PINX1: variants seen among roughly 807,000 people sequenced by gnomAD.
PINX1 encodes PIN2/TERF1-interacting telomerase inhibitor 1.
A neutral mutation model predicts 25.4 loss-of-function variants in PINX1; 34 were observed. The ratio of observed to expected loss-of-function variants is 1.34; its 90% CI spans 1.02 to 1.78. PINX1 has a LOEUF of 1.78. Ranked by LOEUF, PINX1 falls within the 40% of genes most tolerant of loss-of-function variation. PINX1 has a pLI of 0.00. For synonymous variants in PINX1, 197 were observed against 147.7 expected (o/e 1.33, Z -2.42); for missense variants, 592 against 404.9 (o/e 1.46, Z -3.97).
intron 6 of PINX1, among the ~76,000 whole-genome samples, chr8:10,802,304 G>A (rs915024187): frequency 6.6e-6 from 1 of 152,170 alleles, no homozygotes; most frequent in African/African-American, 2.4e-5. Flanking sequence ...AAACTTCTGT[G>A]ACTTACACAC....
At chr8:10,834,512 A>C in intron 2 of PINX1, 154 bp downstream of exon 2, 1 of 1,111,830 alleles carries the variant, frequency 9.0e-7, no homozygotes, top group Non-Finnish European at 1.2e-6. Flanking sequence ...ATCCTAATTT[A>C]TCATCATAAG....
intron 5 of PINX1, chr8:10,822,004 G>C (rs889739931): frequency 2.0e-5 from 3 of 152,218 alleles, no homozygotes; most frequent in African/African-American, 4.8e-5. Flanking sequence ...ATCAATGAAG[G>C]TGCAAATGTG....
chr8:10,795,001 C>T (rs559714003), intron 6 of PINX1, among the ~76,000 whole-genome samples: 2 of 152,140 alleles, frequency 1.3e-5, no homozygotes, highest in African/African-American at 2.4e-5. Context: ...GAAATGAACA[C>T]CTCACGTTTC....
chr8:10,779,138 A>C (rs916151231), intron 6 of PINX1, among the ~76,000 whole-genome samples: 2 of 152,336 alleles, frequency 1.3e-5, no homozygotes, highest in Non-Finnish European at 2.9e-5. Flanking sequence ...TTTACTTTTA[A>C]GACTGCCTAC....
intron 3 of PINX1, among the ~76,000 whole-genome samples, 157 bp downstream of exon 3, chr8:10,832,735 A>C (rs568418054): frequency 6.6e-6 from 1 of 152,364 alleles, no homozygotes; most frequent in African/African-American, 2.4e-5. Context: ...TCTGAGTTAT[A>C]GTGCCATGCA....
intron 6 of PINX1, among the ~76,000 whole-genome samples, chr8:10,800,905 A>G (rs1802245788): frequency 6.6e-6 from 1 of 152,254 alleles, no homozygotes; most frequent in African/African-American, 2.4e-5. Flanking sequence ...ATACTGAAGC[A>G]TGCAGATGAC....
At chr8:10,824,190 GA>G (rs1452497635) in intron 5 of PINX1, among the ~76,000 whole-genome samples, 4 of 152,162 alleles carry the variant, frequency 2.6e-5, no homozygotes, top group Non-Finnish European at 5.9e-5. Context: ...TACAAAAGAG[GA>G]AACTGAGTCT....
At chr8:10,775,418 T>TTTTGG (rs1801360266) in intron 6 of PINX1, among the ~76,000 whole-genome samples, 1 of 146,846 alleles carries the variant, frequency 6.8e-6, no homozygotes, top group South Asian at 2.2e-4. Context: ...TGGTTTTTTT[T>TTTTGG]TTTTTTTTTT....
chr8:10,781,824 C>T (rs1461388800), intron 6 of PINX1, among the ~76,000 whole-genome samples: 2 of 152,138 alleles, frequency 1.3e-5, no homozygotes, highest in East Asian at 1.9e-4. Flanking sequence ...GCCCAGCAAC[C>T]CCTCTTCTGG....
intron 6 of PINX1, among the ~76,000 whole-genome samples, chr8:10,788,752 C>T (rs1437536639): frequency 6.6e-6 from 1 of 152,162 alleles, no homozygotes; most frequent in East Asian, 1.9e-4. Context: ...TGCAGAAAAA[C>T]AAGGCTGAGA....
In PINX1 at chr8:10,835,590, A is replaced by T. The variant is rs182074110; in HGVS notation, c.20-815T>A. Among the ~76,000 whole-genome samples the T allele has an allele frequency of 1.4e-4, 22 of 152,116 alleles. No individual in the cohort carries two copies. The East Asian group carries it at 2.7e-3, about 19-fold the overall frequency. On this transcript the variant is annotated intron_variant, in intron 1 of 6. Transcript: ENST00000314787. ...ATAACTTATCTGTTTCTTAACATCC[A>T]CTGTATTAGGGCTATTTATATCCGC...
At chr8:10,777,800 G>A (rs1286422895) in intron 6 of PINX1, among the ~76,000 whole-genome samples, 1 of 152,200 alleles carries the variant, frequency 6.6e-6, no homozygotes, top group Non-Finnish European at 1.5e-5. Context: ...GCCCGTCACT[G>A]CCTTGTGCGA....
chr8:10,777,405 G>A (rs1419086061), intron 6 of PINX1, among the ~76,000 whole-genome samples: 2 of 152,216 alleles, frequency 1.3e-5, no homozygotes. Context: ...TCCTAGGACA[G>A]GAAAAGGATG....
intron 6 of PINX1, among the ~76,000 whole-genome samples, chr8:10,792,881 A>G (rs1259119106): frequency 6.6e-6 from 1 of 152,188 alleles, no homozygotes; most frequent in Non-Finnish European, 1.5e-5. Flanking sequence ...ACAATACACC[A>G]TCTCATTATC....
At position 10,834,765 on chromosome 8, in the gene PINX1, C is replaced by T. The variant is rs747860305; in HGVS notation, c.30G>A (p.Lys10=). Residue 10 remains lysine, a synonymous_variant, in exon 2 of 7, where the codon AAG becomes AAA. Transcript: ENST00000314787. The part of the protein sequence containing the change: MSMLAERRR[K]QKWAVDPQNT... Reference sequence around the variant, plus strand: ...TCTGAGGATCCACAGCCCACTTCTGCTTCCGCCGACCTGTAAATGAAAAAG... The same window carrying T: ...TCTGAGGATCCACAGCCCACTTCTGTTTCCGCCGACCTGTAAATGAAAAAG... 3.1e-6 allele frequency: 5 copies of T among 1,612,404 alleles called. No individual in the cohort carries two copies. The highest frequency in any genetic ancestry group is 3.3e-5 in the Admixed American group (2 of 59,882).
At chr8:10,816,183 G>A (rs748813288) in intron 6 of PINX1, among the ~76,000 whole-genome samples, 3 of 152,198 alleles carry the variant, frequency 2.0e-5, no homozygotes, top group Admixed American at 6.5e-5. Context: ...ATGTGATAAA[G>A]GGGCACAGAG....
At chr8:10,787,871 A>C (rs78365320) in intron 6 of PINX1, 1 of 454,654 alleles carries the variant, frequency 2.2e-6, no homozygotes, top group African/African-American at 2.0e-5. Flanking sequence ...TTGGTTAAGA[A>C]AGTCTGAAAG....
In PINX1 at chr8:10,828,371, G is replaced by T. The variant is rs117892563; in HGVS notation, c.302-2127C>A. 2.1e-3 allele frequency among the ~76,000 whole-genome samples: 313 copies of T among 152,286 alleles called. 6 individuals are homozygous for T. The East Asian group carries it at 0.057, about 28-fold the overall frequency. On this transcript the variant is annotated intron_variant, in intron 4 of 6. Coordinates refer to ENST00000314787, the MANE Select transcript of PINX1 (RefSeq NM_017884.6). ...TACCGACTGCAAGTGTATGAGGGAC[G>T]AGGCGCTGGACTGGAGGCTTTCCAT...
chr8:10,827,634 C>T (rs750621220), intron 4 of PINX1, among the ~76,000 whole-genome samples: 2 of 151,674 alleles, frequency 1.3e-5, no homozygotes, highest in Admixed American at 6.6e-5. Flanking sequence ...CAGCCGGGCG[C>T]GGTGGCTCAT....
Sources: gnomAD v4.1 joint callset for allele counts (sites outside exome capture counted in the v4.1 genomes callset) on GRCh38, gnomAD v4.1.1 for gene constraint, MANE v1.5 for transcripts, NCBI Gene and HGNC (gene_info 2026-07-23, HGNC 2026-07-21) for gene names.